MIB1: variants seen among roughly 807,000 people sequenced by gnomAD.
The protein encoded by MIB1 is E3 ubiquitin-protein ligase MIB1.
MIB1 carries 278 observed loss-of-function variants against 124.5 expected under a neutral mutation model. The ratio of observed to expected loss-of-function variants is 2.23; its 90% CI spans 2.02 to 2.47. MIB1 has a LOEUF of 2.47. Ranked by LOEUF, MIB1 falls within the 30% of genes most tolerant of loss-of-function variation. The pLI is 0.00. For synonymous variants in MIB1, 446 were observed against 429.4 expected (o/e 1.04, Z -0.48); for missense variants, 957 against 1,254.4 (o/e 0.76, Z 3.58).
At chr18:21,837,303 T>C (rs960177440) in intron 12 of MIB1, among the ~76,000 whole-genome samples, 29 of 152,184 alleles carry the variant, frequency 1.9e-4, no homozygotes, top group African/African-American at 7.0e-4. Context: ...GGTCAGGAGA[T>C]CTAGACCATC....
intron 1 of MIB1, among the ~76,000 whole-genome samples, chr18:21,705,440 A>G (rs1346236339): frequency 1.3e-5 from 2 of 152,228 alleles, no homozygotes; most frequent in Non-Finnish European, 2.9e-5. Flanking sequence ...ACTTATGGAA[A>G]TTCACACCGA....
At chr18:21,831,955 C>G (rs1167220777) in intron 12 of MIB1, among the ~76,000 whole-genome samples, 1 of 152,014 alleles carries the variant, frequency 6.6e-6, no homozygotes, top group Non-Finnish European at 1.5e-5. Flanking sequence ...ATCTAAAGGC[C>G]TGAAAGGATT....
chr18:21,752,619 T>C (rs2040987942), intron 1 of MIB1, among the ~76,000 whole-genome samples: 1 of 152,152 alleles, frequency 6.6e-6, no homozygotes, highest in South Asian at 2.1e-4. Flanking sequence ...AAATTAAAAG[T>C]CTAATTATAG....
At chr18:21,787,757 A>ATTTTTTTTTTTTTTTT (rs756408598) in intron 6 of MIB1, among the ~76,000 whole-genome samples, 1 of 113,748 alleles carries the variant, frequency 8.8e-6, no homozygotes, top group Admixed American at 8.9e-5. Context: ...GGTGCTGGGT[A>ATTTTTTTTTTTTTTTT]TTTTTTTTTT....
chr18:21,805,343 C>A (rs1163143035), intron 10 of MIB1, among the ~76,000 whole-genome samples: 1 of 151,998 alleles, frequency 6.6e-6, no homozygotes, highest in African/African-American at 2.4e-5. Flanking sequence ...TATTAGATAT[C>A]TATGAACTAT....
In MIB1 at chr18:21,815,819, A is replaced by G; in HGVS notation, c.1677+6A>G. The G allele has an allele frequency of 6.2e-7, 1 of 1,613,232 alleles. No individual in the cohort carries two copies. Among genetic ancestry groups the G allele is most frequent in the Non-Finnish European group, 8.5e-7 (1 of 1,179,236 alleles). On this transcript the variant is annotated splice_donor_region_variant and intron_variant, in intron 11 of 20. Transcript: ENST00000261537. Reference sequence around the variant, plus strand: ...GCTGTCATCCCAGTCTCCAGGTAAAACCTTTAAAGAAACACATCCTGCAGG... The same window carrying G: ...GCTGTCATCCCAGTCTCCAGGTAAAGCCTTTAAAGAAACACATCCTGCAGG...
chr18:21,788,750 T>A (rs141887919), intron 6 of MIB1, among the ~76,000 whole-genome samples: 1 of 152,338 alleles, frequency 6.6e-6, no homozygotes, highest in Non-Finnish European at 1.5e-5. Context: ...TTGTAGCTAA[T>A]AAATGAGTTC....
At chr18:21,807,083 A>G (rs1351169162) in intron 10 of MIB1, among the ~76,000 whole-genome samples, 1 of 152,222 alleles carries the variant, frequency 6.6e-6, no homozygotes, top group East Asian at 1.9e-4. Context: ...AGGGATATTA[A>G]GAACACAGTT....
intron 1 of MIB1, among the ~76,000 whole-genome samples, chr18:21,714,535 G>A (rs1403064382): frequency 1.3e-5 from 2 of 152,132 alleles, no homozygotes; most frequent in Non-Finnish European, 1.5e-5. Flanking sequence ...GGGTCCTTGG[G>A]AGTTAGTCTC....
chr18:21,727,313 A>C (rs543065738), intron 1 of MIB1, among the ~76,000 whole-genome samples: 1 of 152,250 alleles, frequency 6.6e-6, no homozygotes, highest in East Asian at 1.9e-4. Context: ...TTTGTGTTTT[A>C]GTAGAGTTGG....
chr18:21,724,730 ATATATATATATATAT>A lies in MIB1; in HGVS notation n.167+19608_167+19622del, dbSNP rs2040732783. On this transcript the variant is annotated intron_variant and non_coding_transcript_variant, in intron 1 of 20. Coordinates refer to the MIB1 transcript ENST00000578646. ...CCCCATCCAAAAAAAAAAAAAAAAT[ATATATATATATATAT>A]ATATATATATATATATATATATATA... 4.8e-4 allele frequency among the ~76,000 whole-genome samples: 20 copies of A among 41,388 alleles called. 2 individuals are homozygous for A. Among genetic ancestry groups the A allele is most frequent in the East Asian group, 3.1e-3 (4 of 1,272 alleles). 27.2% of individuals were successfully genotyped at this position (41,388 alleles called of 152,430 possible).
intron 6 of MIB1, among the ~76,000 whole-genome samples, chr18:21,780,165 C>T (rs934532663): frequency 1.3e-5 from 2 of 152,126 alleles, no homozygotes; most frequent in Non-Finnish European, 2.9e-5. Context: ...ATATTTTCAT[C>T]CATGCATACA....
chr18:21,837,394 G>C (rs561809664), intron 12 of MIB1, among the ~76,000 whole-genome samples: 1 of 152,188 alleles, frequency 6.6e-6, no homozygotes, highest in Non-Finnish European at 1.5e-5. Context: ...TATAGTCCCA[G>C]CTACTCGGGA....
chr18:21,734,047 C>T (rs1415609416), intron 1 of MIB1, among the ~76,000 whole-genome samples: 2 of 151,888 alleles, frequency 1.3e-5, no homozygotes, highest in African/African-American at 4.8e-5. Context: ...TCGATTTCAC[C>T]ATTCTTCCAT....
rs760483619 is a variant in MIB1 at position 21,773,732 on chromosome 18, A to G, written c.636+4A>G. The G allele has an allele frequency of 3.8e-6, 6 of 1,563,930 alleles. No individual in the cohort carries two copies. The highest frequency in any genetic ancestry group is 1.7e-6 in the Non-Finnish European group (2 of 1,150,746). ...CAGAGTTGGCTTTGAGGGCATGGTA[A>G]GTAGTGAAGAGCCATAGCAGGTGAA... On this transcript the variant is annotated splice_donor_region_variant and intron_variant, in intron 4 of 20. Coordinates refer to ENST00000261537, the MANE Select transcript of MIB1 (RefSeq NM_020774.4).
chr18:21,790,943 C>G (rs1415166357), intron 6 of MIB1, among the ~76,000 whole-genome samples: 2 of 152,220 alleles, frequency 1.3e-5, no homozygotes, highest in Non-Finnish European at 1.5e-5. Flanking sequence ...GTGGTTCACA[C>G]CTGTAATCCC....
At chr18:21,759,438 T>C (rs1466552978) in intron 1 of MIB1, among the ~76,000 whole-genome samples, 1 of 151,920 alleles carries the variant, frequency 6.6e-6, no homozygotes, top group Non-Finnish European at 1.5e-5. Context: ...AGACGGGGTT[T>C]CACCATGTTG....
intron 1 of MIB1, among the ~76,000 whole-genome samples, chr18:21,744,447 C>G (rs1217841084): frequency 6.6e-6 from 1 of 152,096 alleles, no homozygotes; most frequent in African/African-American, 2.4e-5. Context: ...AAAATTAACA[C>G]TAATACGGTA....
chr18:21,815,679 G>GT lies in MIB1; in HGVS notation c.1544dup (p.Leu516ThrfsTer5). The stretch of plus-strand genomic sequence containing the variant: ...TGGAGATGAAGGCGCTGTTATAGAA[G>GT]TACTACATCGAGGTAGTGCTGATTT... On this transcript the variant is annotated frameshift_variant, in exon 11 of 21. Transcript: ENST00000261537. LOFTEE classifies it high-confidence loss of function. 1 of 1,614,152 alleles carries GT rather than the reference G, an allele frequency of 6.2e-7. No individual in the cohort carries two copies. The highest frequency in any genetic ancestry group is 8.5e-7 in the Non-Finnish European group (1 of 1,180,004).
Sources: gnomAD v4.1 joint callset for allele counts (sites outside exome capture counted in the v4.1 genomes callset) on GRCh38, gnomAD v4.1.1 for gene constraint, MANE v1.5 for transcripts, NCBI Gene and HGNC (gene_info 2026-07-23, HGNC 2026-07-21) for gene names.